The following NLGN1 variants were observed in gnomAD, a reference collection of about 807,000 sequenced individuals.
NLGN1 encodes the protein neuroligin-1.
Under a neutral mutation model 65.5 loss-of-function variants are expected in NLGN1, and 12 were observed. That is an observed-to-expected ratio of 0.18 (90% CI 0.12 to 0.30). NLGN1 has a LOEUF of 0.30. NLGN1 is among the 10% of genes least tolerant of loss of function. The probability of loss-of-function intolerance (pLI) is 1.00; values close to 1 mark genes in which losing one functional copy is unlikely to be tolerated. For synonymous variants in NLGN1, 350 were observed against 359.5 expected, an observed-to-expected ratio of 0.97 and a Z score of 0.30; for missense variants, 750 against 1,007.1, an observed-to-expected ratio of 0.74 and a Z score of 3.46.
Position 173,604,412 on chromosome 3 carries a change from G to C in NLGN1, c.-187G>C. On this transcript the variant is annotated 5_prime_UTR_variant, in exon 3 of 7. Transcript: ENST00000457714. Reference sequence around the variant, plus strand: ...GGTCTGATAAATAGTGATGATTGAAGATGCTGCTCCAATACATGTGAAATC... The same window carrying C: ...GGTCTGATAAATAGTGATGATTGAACATGCTGCTCCAATACATGTGAAATC... 3 of 667,646 alleles carry C rather than the reference G, an allele frequency of 4.5e-6. No homozygotes were observed. The South Asian group carries it at 5.4e-5, about 12-fold the overall frequency. The allele number at this position is 667,646 out of a possible 1,614,324, so 41.4% of individuals were successfully genotyped here.
intron 2 of NLGN1, among the ~76,000 whole-genome samples, chr3:173,535,457 C>G (rs907071353): frequency 2.0e-5 from 3 of 152,294 alleles, no homozygotes; most frequent in South Asian, 2.1e-4. Flanking sequence ...CATTCTGTCT[C>G]TCAGCCAAAC....
intron 4 of NLGN1, among the ~76,000 whole-genome samples, chr3:174,006,190 C>A (rs954331352): frequency 2.6e-5 from 4 of 152,184 alleles, no homozygotes; most frequent in African/African-American, 9.6e-5. Flanking sequence ...TCTCCAATTT[C>A]TTGGCTCACT....
chr3:174,279,684 A>C lies in NLGN1; in HGVS notation c.1649+34A>C, dbSNP rs753939176. ...CTAAGGAATGAAGTTTATTTTTAAT[A>C]AAAATGTTATTTTAACCATTTTAAA... is the stretch of plus-strand genomic sequence containing the variant. On this transcript the variant is annotated intron_variant, in intron 6 of 6. Transcript: ENST00000457714. The surrounding 1 kb of genome is among the most constrained non-coding windows in gnomAD (Gnocchi z 4.7). 11 of 1,303,790 alleles carry C rather than the reference A, an allele frequency of 8.4e-6. No individual in the cohort carries two copies. Among genetic ancestry groups the C allele is most frequent in the Non-Finnish European group, 1.1e-5 (10 of 938,868 alleles). 80.8% of individuals were successfully genotyped at this position (1,303,790 alleles called of 1,614,324 possible).
At chr3:173,594,186 A>G (rs80240858) in intron 2 of NLGN1, among the ~76,000 whole-genome samples, 20,434 of 152,248 alleles carry the variant, frequency 0.13, 1,464 homozygotes, top group Middle Eastern at 0.23. Flanking sequence ...TCCATAGTCC[A>G]AAGTCTCATC....
At chr3:173,586,505 A>G (rs1262373005) in intron 2 of NLGN1, among the ~76,000 whole-genome samples, 1 of 152,196 alleles carries the variant, frequency 6.6e-6, no homozygotes, top group Non-Finnish European at 1.5e-5. Flanking sequence ...TCTGAAATCT[A>G]ATTTTGAAGC....
intron 4 of NLGN1, among the ~76,000 whole-genome samples, chr3:173,938,378 T>C (rs904288480): frequency 3.3e-5 from 5 of 152,098 alleles, no homozygotes; most frequent in African/African-American, 1.2e-4. Flanking sequence ...TGATGCTGAG[T>C]ACTGAAGCAT....
chr3:174,203,491 G>A (rs926479200), intron 4 of NLGN1, among the ~76,000 whole-genome samples: 1 of 152,118 alleles, frequency 6.6e-6, no homozygotes, highest in East Asian at 1.9e-4. Flanking sequence ...TGTCCTGGGT[G>A]TTCTGTCTCA....
chr3:173,814,910 G>T (rs1578578352), intron 4 of NLGN1, among the ~76,000 whole-genome samples: 1 of 152,146 alleles, frequency 6.6e-6, no homozygotes, highest in African/African-American at 2.4e-5. Flanking sequence ...GCAATGAGAA[G>T]GGAGCTACTT....
At chr3:174,218,563 G>C (rs554804233) in intron 4 of NLGN1, among the ~76,000 whole-genome samples, 5 of 151,992 alleles carry the variant, frequency 3.3e-5, no homozygotes, top group Non-Finnish European at 7.4e-5. Flanking sequence ...TGGTATTATA[G>C]TTAAGGTCCG....
At chr3:173,479,787 A>G (rs1576892598) in intron 2 of NLGN1, among the ~76,000 whole-genome samples, 1 of 152,218 alleles carries the variant, frequency 6.6e-6, no homozygotes. Flanking sequence ...TATATGAACA[A>G]TATGAACAAT....
At chr3:173,644,589 G>T in intron 3 of NLGN1, 1 of 162,624 alleles carries the variant, frequency 6.1e-6, no homozygotes. Context: ...AGTATGCTGT[G>T]CCCTGGTTCT....
At chr3:174,159,534 G>A (rs1161824164) in intron 4 of NLGN1, among the ~76,000 whole-genome samples, 1 of 151,494 alleles carries the variant, frequency 6.6e-6, no homozygotes, top group Non-Finnish European at 1.5e-5. Context: ...GTAAATAGGT[G>A]GGCAATGGAA....
intron 2 of NLGN1, among the ~76,000 whole-genome samples, chr3:173,507,008 T>C (rs1248155028): frequency 6.6e-6 from 1 of 152,186 alleles, no homozygotes; most frequent in African/African-American, 2.4e-5. Flanking sequence ...AGTATTCTTT[T>C]TCGTCCTTAC....
chr3:173,776,552 A>G (rs754056162), intron 3 of NLGN1, among the ~76,000 whole-genome samples: 1 of 152,026 alleles, frequency 6.6e-6, no homozygotes, highest in African/African-American at 2.4e-5. Context: ...CTTCAGGAAT[A>G]TGTGTGGGAA....
chr3:174,091,407 A>T (rs1334895541), intron 4 of NLGN1, among the ~76,000 whole-genome samples: 5 of 152,200 alleles, frequency 3.3e-5, no homozygotes, highest in African/African-American at 1.2e-4. Flanking sequence ...TTAAAAGAAA[A>T]ACTCAAATTA....
At chr3:174,112,200 C>T (rs769812752) in intron 4 of NLGN1, among the ~76,000 whole-genome samples, 22 of 151,416 alleles carry the variant, frequency 1.5e-4, no homozygotes, top group Non-Finnish European at 8.8e-5. Flanking sequence ...TCCTGGTGTA[C>T]GAGGAGTTTA....
chr3:173,530,334 C>A (rs1736359071), intron 2 of NLGN1, among the ~76,000 whole-genome samples: 1 of 152,068 alleles, frequency 6.6e-6, no homozygotes, highest in African/African-American at 2.4e-5. Context: ...GTATTATGAT[C>A]CCCATTTGGT....
chr3:173,666,391 A>G (rs1761702898), intron 3 of NLGN1, among the ~76,000 whole-genome samples: 1 of 152,158 alleles, frequency 6.6e-6, no homozygotes, highest in Non-Finnish European at 1.5e-5. Flanking sequence ...AATGTATGTC[A>G]TTTTATATGC....
chr3:174,097,615 G>C (rs1745780030), intron 4 of NLGN1, among the ~76,000 whole-genome samples: 1 of 152,154 alleles, frequency 6.6e-6, no homozygotes, highest in African/African-American at 2.4e-5. Context: ...TTCAATTGAT[G>C]TGAATGTAGG....
Sources: gnomAD v4.1 joint callset for allele counts (sites outside exome capture counted in the v4.1 genomes callset) on GRCh38, gnomAD v4.1.1 for gene constraint, Gnocchi (gnomAD v3.1) non-coding constraint, MANE v1.5 for transcripts, NCBI Gene and HGNC (gene_info 2026-07-23, HGNC 2026-07-21) for gene names.